The following TPTE2 variants were observed in gnomAD, a reference collection of about 807,000 sequenced individuals.
TPTE2 encodes the protein transmembrane phosphoinositide 3-phosphatase and tensin homolog 2.
In TPTE2, 53 loss-of-function variants were observed where a neutral mutation model predicts 78.6. The observed-to-expected ratio is 0.67, with a 90% CI of 0.54 to 0.85. The LOEUF is 0.85. TPTE2 is among the 40% of genes least tolerant of loss of function. The pLI, the probability that TPTE2 is intolerant of heterozygous loss-of-function variation, is 0.00. For missense variants in TPTE2, 461 were observed against 623.0 expected (o/e 0.74, Z 2.77); for synonymous variants, 175 against 206.2 (o/e 0.85, Z 1.30).
chr13:19,428,338 C>T (rs557669774), intron 17 of TPTE2, among the ~76,000 whole-genome samples: 1 of 152,140 alleles, frequency 6.6e-6, no homozygotes, highest in Admixed American at 6.6e-5. Flanking sequence ...ATCCCAGCTA[C>T]TTGGGAGGCG....
chr13:19,555,134 TACC>T, the TPTE2 span, among the ~76,000 whole-genome samples: 4 of 152,248 alleles, frequency 2.6e-5, no homozygotes, highest in African/African-American at 9.6e-5. Context: ...TCTCTCAGAT[TACC>T]ACATTTAATC....
intron 13 of TPTE2, among the ~76,000 whole-genome samples, chr13:19,443,723 TA>T: frequency 6.9e-6 from 1 of 145,430 alleles, no homozygotes; most frequent in African/African-American, 2.6e-5. Flanking sequence ...TCTTAATCGA[TA>T]AATGGTAGCT....
intron 13 of TPTE2, among the ~76,000 whole-genome samples, chr13:19,444,210 A>C (rs1877680055): frequency 6.7e-6 from 1 of 150,200 alleles, no homozygotes; most frequent in Non-Finnish European, 1.5e-5. Context: ...AGAGGCTGAT[A>C]TAGGAGGATC....
intron 13 of TPTE2, among the ~76,000 whole-genome samples, chr13:19,446,231 G>C (rs1007457111): frequency 1.1e-4 from 16 of 152,128 alleles, no homozygotes; most frequent in African/African-American, 3.6e-4. Context: ...TTCACAAAAT[G>C]ATTTTAAAAT....
Position 19,528,387 on chromosome 13 carries a change from C to CA in TPTE2, c.-44+8208dup, listed in dbSNP as rs757445665. Among the ~76,000 whole-genome samples, 844 of 109,046 alleles carry CA rather than the reference C, an allele frequency of 7.7e-3. 7 individuals are homozygous for CA. The highest frequency in any genetic ancestry group is 0.015 in the South Asian group (53 of 3,456). 71.5% of individuals were successfully genotyped at this position (109,046 alleles called of 152,430 possible). ...AGGCAACAAGAGCGAAACTCCATCT[C>CA]AAAAAAAAAAAAAGCCTATTTATAT... On this transcript the variant is annotated intron_variant, in intron 1 of 17. Coordinates refer to the TPTE2 transcript ENST00000390680.
At chr13:19,434,764 C>T (rs1317796424) in intron 15 of TPTE2, among the ~76,000 whole-genome samples, 1 of 152,150 alleles carries the variant, frequency 6.6e-6, no homozygotes, top group Non-Finnish European at 1.5e-5. Context: ...TTTACAGCCA[C>T]ATCCAAATCC....
intron 1 of TPTE2, among the ~76,000 whole-genome samples, chr13:19,533,262 C>A (rs1293620622): frequency 6.6e-6 from 1 of 152,160 alleles, no homozygotes; most frequent in Non-Finnish European, 1.5e-5. Context: ...CAGCTTGAAG[C>A]TATTAGGTGT....
chr13:19,495,845 G>GT (rs924919226), intron 1 of TPTE2, among the ~76,000 whole-genome samples: 107 of 151,816 alleles, frequency 7.0e-4, no homozygotes, highest in African/African-American at 1.5e-3. Context: ...CTTTTGTTTT[G>GT]TTTTTTTTGT....
rs572683519 is a variant in TPTE2, at chr13:19,435,289, T to G, written c.1116+937A>C. Among the ~76,000 whole-genome samples, 11 of 152,340 alleles carry G rather than the reference T, an allele frequency of 7.2e-5. No homozygotes were observed. The South Asian group carries it at 2.3e-3, about 32-fold the overall frequency. On this transcript the variant is annotated intron_variant, in intron 15 of 19. Transcript: ENST00000400230. ...ATTTTTAAGGTATAATATTGTTAGA[T>G]ATGATAAAAAGTGTTAAGGTTTTTT...
At chr13:19,496,739 G>C (rs1205706823) in intron 1 of TPTE2, among the ~76,000 whole-genome samples, 5 of 152,110 alleles carry the variant, frequency 3.3e-5, no homozygotes, top group Admixed American at 6.5e-5. Context: ...AATCTGGTAC[G>C]CTCTCAAACT....
chr13:19,426,171 T>C, intron 18 of TPTE2: 2 of 369,698 alleles, frequency 5.4e-6, no homozygotes, highest in South Asian at 5.1e-5. Context: ...TTTTTTTGTG[T>C]TTATTTTGTA....
the TPTE2 span, among the ~76,000 whole-genome samples, chr13:19,554,169 A>T: frequency 6.6e-6 from 1 of 151,960 alleles, no homozygotes; most frequent in Non-Finnish European, 1.5e-5. Flanking sequence ...AGGTGAGGAG[A>T]TCGAGACCAT....
At chr13:19,554,943 T>C in the TPTE2 span, among the ~76,000 whole-genome samples, 1 of 152,208 alleles carries the variant, frequency 6.6e-6, no homozygotes, top group Non-Finnish European at 1.5e-5. Flanking sequence ...AAATAACTTG[T>C]CTCAGTTATC....
intron 5 of TPTE2, among the ~76,000 whole-genome samples, chr13:19,475,253 T>A (rs911823918): frequency 1.3e-5 from 2 of 151,258 alleles, no homozygotes; most frequent in African/African-American, 2.4e-5. Flanking sequence ...TTACATGGAG[T>A]CTTGCTGTGT....
chr13:19,540,797 C>G (rs1871417727), upstream of TPTE2, among the ~76,000 whole-genome samples: 1 of 152,098 alleles, frequency 6.6e-6, no homozygotes. Flanking sequence ...GCAAAAGTGC[C>G]AAATAAATTC....
At chr13:19,552,477 G>C in the TPTE2 span, 1 of 494,372 alleles carries the variant, frequency 2.0e-6, no homozygotes. Flanking sequence ...AAAGTGTTTT[G>C]AAATTCATGT....
At chr13:19,435,354 C>T (rs1226406654) in intron 15 of TPTE2, among the ~76,000 whole-genome samples, 1 of 152,014 alleles carries the variant, frequency 6.6e-6, no homozygotes, top group Non-Finnish European at 1.5e-5. Flanking sequence ...TACTAAAATG[C>T]TGTGGGATAA....
rs193021190 is a variant in TPTE2, at chr13:19,492,322, G to A, written c.119+528C>T. ...ATGTGGACAGAGCTCTCGAGGGTGT[G>A]GGACAAGTCCACGTTCCATTAGCTC... On this transcript the variant is annotated intron_variant, in intron 3 of 19. Transcript: ENST00000400230. 3.0e-4 allele frequency among the ~76,000 whole-genome samples: 45 copies of A among 152,254 alleles called. 1 individual carries two copies. The highest frequency in any genetic ancestry group is 7.2e-4 in the Admixed American group (11 of 15,294).
chr13:19,560,159 G>A, the TPTE2 span: 5 of 686,170 alleles, frequency 7.3e-6, 1 homozygote, highest in Non-Finnish European at 1.1e-5. Flanking sequence ...CCTGGCCGCC[G>A]CCGCTCAGCA....
Sources: gnomAD v4.1 joint callset for allele counts (sites outside exome capture counted in the v4.1 genomes callset) on GRCh38, gnomAD v4.1.1 for gene constraint, MANE v1.5 for transcripts, NCBI Gene and HGNC (gene_info 2026-07-23, HGNC 2026-07-21) for gene names.